The following GALNTL6 variants were observed in gnomAD, a reference collection of about 807,000 sequenced individuals.
The protein encoded by GALNTL6 is polypeptide N-acetylgalactosaminyltransferase-like 6.
A neutral mutation model predicts 73.7 loss-of-function variants in GALNTL6; 46 were observed. The observed-to-expected ratio is 0.62, with a 90% CI of 0.49 to 0.80. The LOEUF is 0.80. Among genes scored for constraint, GALNTL6 ranks in the 30% least tolerant of loss-of-function variants. The probability of loss-of-function intolerance (pLI) is 0.00; values close to 1 mark genes in which losing one functional copy is unlikely to be tolerated. For synonymous variants in GALNTL6, 259 were observed against 263.7 expected (o/e 0.98, Z 0.17); for missense variants, 604 against 755.0 (o/e 0.80, Z 2.34).
intron 5 of GALNTL6, among the ~76,000 whole-genome samples, chr4:172,801,085 G>T (rs201157826): frequency 6.6e-6 from 1 of 151,980 alleles, no homozygotes; most frequent in Non-Finnish European, 1.5e-5. Context: ...TAGTTCTTAA[G>T]AAAATACTGT....
At chr4:172,030,757 TA>T in intron 2 of GALNTL6, among the ~76,000 whole-genome samples, 1 of 151,504 alleles carries the variant, frequency 6.6e-6, no homozygotes, top group African/African-American at 2.4e-5. Flanking sequence ...TTATTTTATA[TA>T]TTATATATGT....
intron 10 of GALNTL6, among the ~76,000 whole-genome samples, chr4:172,994,863 C>A: frequency 6.6e-6 from 1 of 152,286 alleles, no homozygotes; most frequent in East Asian, 1.9e-4. Flanking sequence ...ATTTTGATTG[C>A]AGGTCTTCAT....
chr4:172,330,832 C>A (rs2111181259), intron 4 of GALNTL6, among the ~76,000 whole-genome samples: 1 of 152,132 alleles, frequency 6.6e-6, no homozygotes, highest in Middle Eastern at 3.4e-3. Context: ...GAAGTTGACC[C>A]CTTGCTGCTG....
At chr4:171,827,034 C>A (rs1734843321) in intron 2 of GALNTL6, among the ~76,000 whole-genome samples, 1 of 151,948 alleles carries the variant, frequency 6.6e-6, no homozygotes, top group South Asian at 2.1e-4. Flanking sequence ...TATTCAAATG[C>A]AAAACTTGAG....
At chr4:172,817,355 T>A (rs763844629) in intron 7 of GALNTL6, among the ~76,000 whole-genome samples, 1 of 151,832 alleles carries the variant, frequency 6.6e-6, no homozygotes, top group Non-Finnish European at 1.5e-5. Context: ...CACCTAAGCC[T>A]AAGAAGTTGA....
At chr4:172,220,888 A>C (rs1252417353) in intron 2 of GALNTL6, among the ~76,000 whole-genome samples, 1 of 151,874 alleles carries the variant, frequency 6.6e-6, no homozygotes, top group East Asian at 1.9e-4. Flanking sequence ...CTGATGCAAT[A>C]ATGATTTGGT....
chr4:171,992,134 A>G (rs1740355632), intron 2 of GALNTL6, among the ~76,000 whole-genome samples: 1 of 152,040 alleles, frequency 6.6e-6, no homozygotes, highest in Non-Finnish European at 1.5e-5. Context: ...TTCAGTGGAA[A>G]GCAGTGAATT....
intron 5 of GALNTL6, among the ~76,000 whole-genome samples, chr4:172,596,023 A>G (rs1301669069): frequency 2.0e-5 from 3 of 152,138 alleles, no homozygotes; most frequent in East Asian, 1.9e-4. Flanking sequence ...ATATAAACAT[A>G]TAAGTGTTAT....
chr4:172,287,328 A>G (rs1739295886), intron 3 of GALNTL6, among the ~76,000 whole-genome samples: 1 of 152,154 alleles, frequency 6.6e-6, no homozygotes, highest in Non-Finnish European at 1.5e-5. Flanking sequence ...CACAGCTAAT[A>G]GGCCTCATGC....
rs114435529 is a variant in GALNTL6 at position 172,773,209 on chromosome 4, T to C, written c.554-36152T>C. 3.1e-3 allele frequency among the ~76,000 whole-genome samples: 465 copies of C among 152,224 alleles called. 3 individuals are homozygous for C. Among genetic ancestry groups the C allele is most frequent in the African/African-American group, 0.011 (438 of 41,534 alleles). ...CCATGGAAAATTATTATTAGTACTA[T>C]TAGTTTAGAGATGGGGGTCTCACTC... On this transcript the variant is annotated intron_variant, in intron 5 of 12. Transcript: ENST00000506823.
intron 7 of GALNTL6, among the ~76,000 whole-genome samples, chr4:172,841,709 C>T (rs370960316): frequency 5.3e-5 from 8 of 152,260 alleles, no homozygotes; most frequent in South Asian, 2.1e-4. Context: ...CACTCACTAT[C>T]GCAAGAACAG....
intron 5 of GALNTL6, among the ~76,000 whole-genome samples, chr4:172,757,279 A>G (rs1298623295): frequency 6.6e-6 from 1 of 152,220 alleles, no homozygotes; most frequent in Non-Finnish European, 1.5e-5. Context: ...ACATTGGAAT[A>G]GAAAATTCGT....
intron 7 of GALNTL6, among the ~76,000 whole-genome samples, chr4:172,820,515 G>A (rs1224893436): frequency 1.3e-5 from 2 of 152,064 alleles, no homozygotes. Context: ...ACAGAAAAAT[G>A]GACTGGTCAA....
intron 2 of GALNTL6, among the ~76,000 whole-genome samples, chr4:171,935,471 C>CT (rs1375677855): frequency 7.9e-5 from 12 of 152,080 alleles, no homozygotes; most frequent in Non-Finnish European, 1.8e-4. Flanking sequence ...CACACTGACT[C>CT]TCTTTTTTCT....
intron 5 of GALNTL6, among the ~76,000 whole-genome samples, chr4:172,529,897 T>TTATTTATTTATTTATC (rs1561124336): frequency 2.0e-5 from 3 of 149,912 alleles, no homozygotes; most frequent in African/African-American, 7.4e-5. Flanking sequence ...ATTTATTTAT[T>TTATTTATTTATTTATC]TATCTATTTA....
At chr4:172,147,317 A>G (rs1475470118) in intron 2 of GALNTL6, among the ~76,000 whole-genome samples, 1 of 152,224 alleles carries the variant, frequency 6.6e-6, no homozygotes, top group African/African-American at 2.4e-5. Context: ...ATTATGCAAA[A>G]TGTTGAGGAT....
intron 5 of GALNTL6, among the ~76,000 whole-genome samples, chr4:172,596,770 A>C (rs1400755264): frequency 6.6e-6 from 1 of 152,198 alleles, no homozygotes; most frequent in African/African-American, 2.4e-5. Flanking sequence ...TTGTATATAC[A>C]CATATATACA....
chr4:172,753,408 A>G (rs4696016), intron 5 of GALNTL6, among the ~76,000 whole-genome samples: 68,419 of 152,076 alleles, frequency 0.45, 17,736 homozygotes, highest in East Asian at 0.68. Flanking sequence ...CACCCTTATC[A>G]TTAAATATTT....
intron 5 of GALNTL6, among the ~76,000 whole-genome samples, chr4:172,789,376 C>G (rs1460204572): frequency 6.6e-6 from 1 of 152,198 alleles, no homozygotes; most frequent in African/African-American, 2.4e-5. Context: ...TGGCCCAACA[C>G]AAATTCACAA....
Sources: gnomAD v4.1 joint callset for allele counts (sites outside exome capture counted in the v4.1 genomes callset) on GRCh38, gnomAD v4.1.1 for gene constraint, MANE v1.5 for transcripts, NCBI Gene and HGNC (gene_info 2026-07-23, HGNC 2026-07-21) for gene names.